The following IRF2 variants were observed in gnomAD, a reference collection of about 807,000 sequenced individuals.
IRF2 encodes the protein interferon regulatory factor 2.
IRF2 carries 15 observed loss-of-function variants against 40.6 expected under a neutral mutation model. The observed-to-expected ratio is 0.37, with a 90% CI of 0.25 to 0.57. The LOEUF is 0.57. Among genes scored for constraint, IRF2 ranks in the 20% least tolerant of loss-of-function variants. The probability of loss-of-function intolerance (pLI) is 0.77; values close to 1 mark genes in which losing one functional copy is unlikely to be tolerated. For missense variants in IRF2, 317 were observed against 455.7 expected, an observed-to-expected ratio of 0.70 and a Z score of 2.77; for synonymous variants, 151 against 165.5, an observed-to-expected ratio of 0.91 and a Z score of 0.67.
chr4:184,455,299 TTC>T (rs1417457795), intron 1 of IRF2, among the ~76,000 whole-genome samples: 2 of 44,332 alleles, frequency 4.5e-5, no homozygotes, highest in Non-Finnish European at 9.0e-5. Context: ...TTCCTTCTTC[TTC>T]TTTTTTTTTT....
At chr4:184,404,040 T>G (rs1736762073) in intron 6 of IRF2, among the ~76,000 whole-genome samples, 1 of 152,212 alleles carries the variant, frequency 6.6e-6, no homozygotes, top group African/African-American at 2.4e-5. Context: ...TGACTTAATG[T>G]AGGTCTCCAC....
At chr4:184,423,826 TA>T (rs1737568215) in intron 2 of IRF2, among the ~76,000 whole-genome samples, 1 of 152,224 alleles carries the variant, frequency 6.6e-6, no homozygotes, top group African/African-American at 2.4e-5. Context: ...CTTAGAGTCA[TA>T]AACACCAAAC....
rs1736139468 is a variant in IRF2 at position 184,388,655 on chromosome 4, T to C, written c.*103A>G. On this transcript the variant is annotated 3_prime_UTR_variant, in exon 9 of 9. Coordinates refer to ENST00000393593, the MANE Select transcript of IRF2 (RefSeq NM_002199.4). The surrounding 1 kb of genome is among the most constrained non-coding windows in gnomAD (Gnocchi z 4.6). ...TGTTCTATTGTCAAGGCTTTTTCCC[T>C]TAGATTTGTCTAAAATAGGTGTCAG... The C allele has an allele frequency of 8.2e-7, 1 of 1,212,446 alleles. No individual in the cohort carries two copies. Among genetic ancestry groups the C allele is most frequent in the African/African-American group, 1.5e-5 (1 of 65,468 alleles). 75.1% of individuals were successfully genotyped at this position (1,212,446 alleles called of 1,614,324 possible).
chr4:184,441,074 C>T (rs1421764743), intron 1 of IRF2, among the ~76,000 whole-genome samples: 8 of 152,286 alleles, frequency 5.3e-5, no homozygotes, highest in Middle Eastern at 3.4e-3. Context: ...TGCCCCCTTC[C>T]CTTGAAGTCA....
intron 8 of IRF2, 35 bp from the exon 9 acceptor site, chr4:184,389,101 CT>C: frequency 6.2e-7 from 1 of 1,600,616 alleles, no homozygotes; most frequent in South Asian, 1.1e-5. Flanking sequence ...GTATTTCCTT[CT>C]CCTTCTATTG....
rs1047888821 is a variant in IRF2, at chr4:184,408,580, T to C, written c.412-305A>G. Among the ~76,000 whole-genome samples, 2 of 152,206 alleles carry C rather than the reference T, an allele frequency of 1.3e-5. No homozygotes were observed. The highest frequency in any genetic ancestry group is 2.4e-5 in the African/African-American group (1 of 41,452). On this transcript the variant is annotated intron_variant, in intron 5 of 8. Transcript: ENST00000393593. This position sits in a 1 kb window ranked among gnomAD's most constrained non-coding sequence, Gnocchi z 4.9. ...TTTGGGGCTACGCAGAGCTGCATCA[T>C]TGTCTCTGTAAAATGCTGCACTGCG...
In IRF2 at chr4:184,419,571, G is replaced by GGAA; in HGVS notation, c.88-4_88-3insTTC. 3.3e-6 allele frequency: 3 copies of GGAA among 911,524 alleles called. No individual in the cohort carries two copies. The highest frequency in any genetic ancestry group is 1.5e-5 in the South Asian group (1 of 64,586). 56.5% of individuals were successfully genotyped at this position (911,524 alleles called of 1,614,324 possible). ...GGGATCTGAAAAATCTTCTTTTCCT[G>GGAA]AAAAAAAAAAAAAAAAAAAAGGTAA... is the stretch of plus-strand genomic sequence containing the variant. On this transcript the variant is annotated splice_polypyrimidine_tract_variant and splice_region_variant and intron_variant, in intron 2 of 8. Coordinates refer to ENST00000393593, the MANE Select transcript of IRF2 (RefSeq NM_002199.4).
chr4:184,395,395 A>G, intron 7 of IRF2, among the ~76,000 whole-genome samples: 1 of 121,462 alleles, frequency 8.2e-6, no homozygotes, highest in East Asian at 3.0e-4. Flanking sequence ...CCTGGGCGAC[A>G]GAGCGAGACT....
At chr4:184,436,865 A>G (rs1301900494) in intron 1 of IRF2, among the ~76,000 whole-genome samples, 2 of 152,154 alleles carry the variant, frequency 1.3e-5, no homozygotes, top group African/African-American at 4.8e-5. Flanking sequence ...CTAACCAGTT[A>G]AATACTAGTA....
Position 184,408,241 on chromosome 4 carries a change from T to C in IRF2, c.446A>G (p.Asn149Ser). The C allele has an allele frequency of 6.2e-7, 1 of 1,612,992 alleles. No homozygotes were observed. ...CTCAGGAGAAAGATCACTTACTCCATTACTAAGCCCCAGAGATGACTCAAC... is the reference window on the plus strand; with the variant it reads ...CTCAGGAGAAAGATCACTTACTCCACTACTAAGCCCCAGAGATGACTCAAC... ...EPVESSLGLS[N>S]GVSDLSPEYA... Residue 149 changes from asparagine (N) to serine (S), a missense_variant, in exon 6 of 9, where the codon AAT becomes AGT. By Grantham distance (46) the Asn-to-Ser change is conservative. Coordinates refer to ENST00000393593, the MANE Select transcript of IRF2 (RefSeq NM_002199.4). The surrounding 1 kb of genome is among the most constrained non-coding windows in gnomAD (Gnocchi z 4.9).
Position 184,424,113 on chromosome 4 carries a change from G to GA in IRF2, c.88-4546dup, listed in dbSNP as rs1737583277. ...ATAAGGCAAAATATTCATACATCTA[G>GA]ATACAGGCATATGAAAATTTGCTAT... On this transcript the variant is annotated intron_variant, in intron 2 of 8. Coordinates refer to ENST00000393593, the MANE Select transcript of IRF2 (RefSeq NM_002199.4). Among the ~76,000 whole-genome samples, 3 of 152,066 alleles carry GA rather than the reference G, an allele frequency of 2.0e-5. No individual in the cohort carries two copies. The South Asian group carries it at 6.2e-4, about 32-fold the overall frequency.
intron 1 of IRF2, among the ~76,000 whole-genome samples, chr4:184,463,131 G>A (rs1235631097): frequency 1.3e-5 from 2 of 152,246 alleles, no homozygotes; most frequent in Non-Finnish European, 1.5e-5. Context: ...GGGATGTAGA[G>A]TATGCTGCTT....
intron 1 of IRF2, among the ~76,000 whole-genome samples, chr4:184,462,912 A>G (rs1425033200): frequency 3.9e-5 from 6 of 152,268 alleles, no homozygotes; most frequent in Non-Finnish European, 2.9e-5. Context: ...CTGAAAATCA[A>G]ATAAACTAAT....
rs1057488831 is a variant in IRF2, at chr4:184,448,808, T to C, written c.-6-19738A>G. On this transcript the variant is annotated intron_variant, in intron 1 of 8. Coordinates refer to ENST00000393593, the MANE Select transcript of IRF2 (RefSeq NM_002199.4). The surrounding 1 kb of genome is among the most constrained non-coding windows in gnomAD (Gnocchi z 4.3). ...TCTGGCATTCCCAGAATAGTTTCAT[T>C]TTCGATCATGACAACAGTTCCCACT... is the stretch of plus-strand genomic sequence containing the variant. 6.6e-6 allele frequency: 1 copy of C among 152,158 alleles called. No homozygotes were observed. Among genetic ancestry groups the C allele is most frequent in the African/African-American group, 2.4e-5 (1 of 41,408 alleles). 9.4% of individuals were successfully genotyped at this position (152,158 alleles called of 1,614,324 possible).
At chr4:184,433,458 C>T (rs1334726523) in intron 1 of IRF2, among the ~76,000 whole-genome samples, 1 of 152,216 alleles carries the variant, frequency 6.6e-6, no homozygotes, top group Non-Finnish European at 1.5e-5. Flanking sequence ...GTGCATTCCT[C>T]ACTTACGCAA....
Position 184,413,543 on chromosome 4 carries a change from T to A in IRF2, c.411+4624A>T, listed in dbSNP as rs1737150599. Among the ~76,000 whole-genome samples, 1 of 152,228 alleles carries A rather than the reference T, an allele frequency of 6.6e-6. No individual in the cohort carries two copies. Among genetic ancestry groups the A allele is most frequent in the African/African-American group, 2.4e-5 (1 of 41,464 alleles). ...CCCTGCCAGGGAGTGTGCTGTGTTT[T>A]AATCCAGCTCAGGTCACTGTTAGAG... On this transcript the variant is annotated intron_variant, in intron 5 of 8. Coordinates refer to ENST00000393593, the MANE Select transcript of IRF2 (RefSeq NM_002199.4). This position sits in a 1 kb window ranked among gnomAD's most constrained non-coding sequence, Gnocchi z 4.2.
intron 1 of IRF2, among the ~76,000 whole-genome samples, chr4:184,445,666 A>AG (rs1428691893): frequency 1.3e-5 from 2 of 151,542 alleles, no homozygotes; most frequent in Admixed American, 6.6e-5. Context: ...AAAAAAAAAA[A>AG]AAGAAGAAGA....
intron 2 of IRF2, among the ~76,000 whole-genome samples, chr4:184,421,359 T>C (rs935167775): frequency 2.0e-5 from 3 of 152,358 alleles, no homozygotes; most frequent in East Asian, 1.9e-4. Context: ...GTGTTCATTC[T>C]GTATCATCCA....
At position 184,460,671 on chromosome 4, in the gene IRF2, A is replaced by G. The variant is rs1469557888; in HGVS notation, c.-7+13708T>C. ...CACACACACACATGCACGCGCACAC[A>G]CACACACATGCACGCACACACACAC... is the stretch of plus-strand genomic sequence containing the variant. On this transcript the variant is annotated intron_variant, in intron 1 of 8. Transcript: ENST00000393593. Among the ~76,000 whole-genome samples the G allele has an allele frequency of 3.4e-5, 4 of 116,606 alleles. No homozygotes were observed. In the East Asian group the frequency reaches 8.0e-4, roughly 23 times the overall value. 76.5% of individuals were successfully genotyped at this position (116,606 alleles called of 152,430 possible).
Sources: allele counts gnomAD v4.1 joint callset (sites outside exome capture counted in the v4.1 genomes callset), GRCh38; gene constraint gnomAD v4.1.1; non-coding constraint Gnocchi (gnomAD v3.1); transcripts MANE v1.5; gene names NCBI Gene and HGNC (gene_info 2026-07-23, HGNC 2026-07-21).